The following SORCS3 variants were observed in gnomAD, a reference collection of about 807,000 sequenced individuals.
SORCS3 encodes sortilin related VPS10 domain containing receptor 3.
A neutral mutation model predicts 146.3 loss-of-function variants in SORCS3; 57 were observed. The observed-to-expected ratio is 0.39, with a 90% CI of 0.31 to 0.49. SORCS3 has a LOEUF of 0.49. Ranked by LOEUF, SORCS3 falls within the 20% of genes least tolerant of loss-of-function variation. The probability of loss-of-function intolerance (pLI) is 0.92; values close to 1 mark genes in which losing one functional copy is unlikely to be tolerated. For missense variants in SORCS3, 1,341 were observed against 1,575.5 expected, an observed-to-expected ratio of 0.85 and a Z score of 2.52; for synonymous variants, 653 against 618.5, an observed-to-expected ratio of 1.06 and a Z score of -0.83.
At chr10:104,684,395 A>G (rs2016016923) in intron 1 of SORCS3, among the ~76,000 whole-genome samples, 2 of 152,262 alleles carry the variant, frequency 1.3e-5, no homozygotes, top group Admixed American at 1.3e-4. Context: ...GAATAGTGAC[A>G]TACAGAATAG....
At chr10:105,074,635 G>T (rs528241968) in intron 5 of SORCS3, among the ~76,000 whole-genome samples, 1 of 152,092 alleles carries the variant, frequency 6.6e-6, no homozygotes. Context: ...TTCTTCCTGG[G>T]GGTCCCCATA....
intron 4 of SORCS3, among the ~76,000 whole-genome samples, chr10:105,036,754 TA>T (rs958443359): frequency 1.5e-4 from 23 of 152,186 alleles, no homozygotes; most frequent in South Asian, 2.1e-4. Flanking sequence ...TGCAGCTCCG[TA>T]TAGCCCAGCC....
At chr10:104,803,948 C>G (rs1028856710) in intron 1 of SORCS3, among the ~76,000 whole-genome samples, 1 of 152,170 alleles carries the variant, frequency 6.6e-6, no homozygotes, top group African/African-American at 2.4e-5. Context: ...CAGAGAAAGA[C>G]CAGCCCCATC....
chr10:105,030,407 G>A (rs1026191276), intron 4 of SORCS3, among the ~76,000 whole-genome samples: 4 of 152,240 alleles, frequency 2.6e-5, no homozygotes, highest in Admixed American at 2.0e-4. Context: ...ACCTCCAGCA[G>A]GCTAGCATGG....
intron 4 of SORCS3, among the ~76,000 whole-genome samples, chr10:104,984,944 T>G (rs59715667): frequency 0.053 from 8,135 of 152,272 alleles, 252 homozygotes; most frequent in Middle Eastern, 0.082. Context: ...AATTATAATC[T>G]TTTTGCTGCT....
Position 105,061,413 on chromosome 10 carries a change from G to A in SORCS3, c.1028+18285G>A, listed in dbSNP as rs532904100. 5.3e-5 allele frequency among the ~76,000 whole-genome samples: 8 copies of A among 150,166 alleles called. No homozygotes were observed. The South Asian group carries it at 1.7e-3, about 32-fold the overall frequency. ...AGGTTCATGCCATTCTTCTGCCTCA[G>A]CCTCCCAAGTAGCTGAGACTACAGG... On this transcript the variant is annotated intron_variant, in intron 5 of 26. Coordinates refer to ENST00000369701, the MANE Select transcript of SORCS3 (RefSeq NM_014978.3).
intron 2 of SORCS3, among the ~76,000 whole-genome samples, chr10:104,876,009 GT>G (rs1192255396): frequency 6.6e-6 from 1 of 152,028 alleles, no homozygotes; most frequent in Admixed American, 6.6e-5. Context: ...TCTGAACCAT[GT>G]TTTTTTCCCC....
At chr10:104,814,926 T>A (rs901748889) in intron 1 of SORCS3, among the ~76,000 whole-genome samples, 1 of 152,182 alleles carries the variant, frequency 6.6e-6, no homozygotes, top group Admixed American at 6.5e-5. Context: ...TTTCTGTTTA[T>A]CTTTATTGTC....
In SORCS3 at chr10:104,669,052, C is replaced by A. The variant is rs142485350; in HGVS notation, c.627+27098C>A. Among the ~76,000 whole-genome samples, 826 of 152,232 alleles carry A rather than the reference C, an allele frequency of 5.4e-3. 1 individual carries two copies. Among genetic ancestry groups the A allele is most frequent in the South Asian group, 0.019 (90 of 4,826 alleles). The stretch of plus-strand genomic sequence containing the variant: ...AGAGAAGTGTTAAGAACAAGCACTG[C>A]CACTCAAAAGTGGCTCTGTGACTTT... On this transcript the variant is annotated intron_variant, in intron 1 of 26. Transcript: ENST00000369701.
intron 1 of SORCS3, among the ~76,000 whole-genome samples, chr10:104,743,808 A>G (rs11817756): frequency 0.032 from 4,802 of 152,206 alleles, 255 homozygotes; most frequent in African/African-American, 0.11. Flanking sequence ...ACCGATGTGG[A>G]TATGAGGACT....
chr10:105,263,167 G>A lies in SORCS3; in HGVS notation c.3605-143G>A. 7 of 668,552 alleles carry A rather than the reference G, an allele frequency of 1.0e-5. 1 individual carries two copies. In the South Asian group the frequency reaches 1.2e-4, roughly 11 times the overall value. The allele number at this position is 668,552 out of a possible 1,614,324, so 41.4% of individuals were successfully genotyped here. A position where few individuals can be genotyped will look rare whatever the true frequency, so the allele number is the denominator to read the frequency against. ...ATGACATAAGTCAGTGAGCTGATAG[G>A]TAACGATATCCGGGTGCCTTTTAAA... On this transcript the variant is annotated intron_variant, in intron 26 of 26. Transcript: ENST00000369701.
intron 4 of SORCS3, among the ~76,000 whole-genome samples, chr10:105,010,258 G>T (rs889241888): frequency 1.3e-5 from 2 of 152,186 alleles, no homozygotes; most frequent in South Asian, 4.1e-4. Flanking sequence ...CATATGAATG[G>T]CAGGGATTGT....
intron 7 of SORCS3, among the ~76,000 whole-genome samples, chr10:105,118,114 T>C (rs1373031274): frequency 6.6e-6 from 1 of 152,210 alleles, no homozygotes; most frequent in Non-Finnish European, 1.5e-5. Context: ...AATCTCATCT[T>C]GAATTATAGT....
At chr10:105,154,667 G>A (rs569627333) in intron 9 of SORCS3, among the ~76,000 whole-genome samples, 1 of 152,312 alleles carries the variant, frequency 6.6e-6, no homozygotes, top group South Asian at 2.1e-4. Context: ...GAGTAAAAAC[G>A]CATGTCTCAT....
At chr10:104,707,849 A>G (rs1313568787) in intron 1 of SORCS3, among the ~76,000 whole-genome samples, 1 of 152,112 alleles carries the variant, frequency 6.6e-6, no homozygotes, top group East Asian at 1.9e-4. Context: ...TTTATCCCTT[A>G]TATTAGGAAG....
At chr10:105,217,164 T>G (rs748742649) in intron 19 of SORCS3, 42 bp downstream of exon 19, 10 of 1,602,444 alleles carry the variant, frequency 6.2e-6, no homozygotes, top group Non-Finnish European at 8.5e-6. Flanking sequence ...TTGTTCCCAG[T>G]TGGCAACTTG....
chr10:104,675,449 T>C (rs2015902351), intron 1 of SORCS3, among the ~76,000 whole-genome samples: 1 of 152,242 alleles, frequency 6.6e-6, no homozygotes. Context: ...TATAAAATCT[T>C]TGTCTATTCC....
intron 4 of SORCS3, among the ~76,000 whole-genome samples, chr10:104,981,475 G>A (rs555595728): frequency 6.6e-6 from 1 of 152,276 alleles, no homozygotes; most frequent in East Asian, 1.9e-4. Context: ...TATTTAAGTG[G>A]TAGGATTCTC....
At chr10:105,165,737 C>T (rs1021637276) in intron 12 of SORCS3, among the ~76,000 whole-genome samples, 1 of 152,148 alleles carries the variant, frequency 6.6e-6, no homozygotes, top group African/African-American at 2.4e-5. Flanking sequence ...TCCTCATAGG[C>T]AAACCATTTC....
Sources: gnomAD v4.1 joint callset for allele counts (sites outside exome capture counted in the v4.1 genomes callset) on GRCh38, gnomAD v4.1.1 for gene constraint, MANE v1.5 for transcripts, NCBI Gene and HGNC (gene_info 2026-07-23, HGNC 2026-07-21) for gene names.